DLG5: variants seen among roughly 807,000 people sequenced by gnomAD.
DLG5 encodes disks large homolog 5.
A neutral mutation model predicts 189.8 loss-of-function variants in DLG5; 48 were observed. The ratio of observed to expected loss-of-function variants is 0.25; its 90% confidence interval spans 0.20 to 0.32. DLG5 has a LOEUF of 0.32. Ranked by LOEUF, DLG5 falls within the 10% of genes least tolerant of loss-of-function variation. The pLI is 1.00. For missense variants in DLG5, 2,160 were observed against 2,544.7 expected (o/e 0.85, Z 3.25); for synonymous variants, 1,016 against 1,054.1 (o/e 0.96, Z 0.70).
At position 77,821,332 on chromosome 10, in the gene DLG5, A is replaced by G. The variant is rs1842341318; in HGVS notation, c.3152T>C (p.Leu1051Pro). Residue 1051 changes from leucine (L) to proline (P), a missense_variant, in exon 15 of 32, where the codon CTG (leucine) becomes CCG (proline). Coordinates refer to ENST00000372391, the MANE Select transcript of DLG5 (RefSeq NM_004747.4). The part of the protein sequence containing the change: ...SSPSTSPPSA[L>P]PPDVDPGEPM... ...CTCCCCGGGGTCCACGTCAGGGGGC[A>G]GGGCGCTCGGGGGACTAGTGGATGG... 6.2e-7 allele frequency: 1 copy of G among 1,613,132 alleles called. No individual in the cohort carries two copies. Among genetic ancestry groups the G allele is most frequent in the Non-Finnish European group, 8.5e-7 (1 of 1,180,004 alleles).
At chr10:77,933,869 T>C in the DLG5 span, among the ~76,000 whole-genome samples, 4 of 151,996 alleles carry the variant, frequency 2.6e-5, no homozygotes, top group Admixed American at 6.6e-5. Flanking sequence ...ACAAATGTGA[T>C]TAAAGTTCTG....
chr10:77,920,982 A>C (rs542947264), intron 1 of DLG5, among the ~76,000 whole-genome samples: 1 of 152,296 alleles, frequency 6.6e-6, no homozygotes, highest in African/African-American at 2.4e-5. Flanking sequence ...TCTGCCCTTC[A>C]CTTAAAAACC....
At chr10:77,909,375 G>A (rs1846151753) in intron 1 of DLG5, among the ~76,000 whole-genome samples, 1 of 152,150 alleles carries the variant, frequency 6.6e-6, no homozygotes, top group Admixed American at 6.5e-5. Context: ...GTCTAGGAGA[G>A]GGATAGCAAC....
intron 26 of DLG5, 40 bp downstream of exon 26, chr10:77,806,718 A>ACGGCCCCC: frequency 1.5e-6 from 2 of 1,333,650 alleles, no homozygotes; most frequent in Non-Finnish European, 2.1e-6. Context: ...GCCCTCGGCG[A>ACGGCCCCC]CCCCTGCCCC....
chr10:77,933,798 C>T, the DLG5 span, among the ~76,000 whole-genome samples: 4 of 151,980 alleles, frequency 2.6e-5, no homozygotes, highest in Non-Finnish European at 5.9e-5. Context: ...TCCCAAAAGA[C>T]AACCATGCTC....
In DLG5 at chr10:77,881,049, T is replaced by C. The variant is rs1845266746; in HGVS notation, c.305-11852A>G. ...GTGCAGTGGTGTGATCTCAGCTCAC[T>C]GCAACCTTCATCTCCCGGGTCCAAG... On this transcript the variant is annotated intron_variant, in intron 1 of 31. Transcript: ENST00000372391. Among the ~76,000 whole-genome samples, 2 of 136,380 alleles carry C rather than the reference T, an allele frequency of 1.5e-5. 1 individual carries two copies. The highest frequency in any genetic ancestry group is 5.0e-4 in the South Asian group (2 of 3,962). 89.5% of individuals were successfully genotyped at this position (136,380 alleles called of 152,430 possible).
intron 20 of DLG5, chr10:77,816,281 A>C (rs1842046022): frequency 1.5e-5 from 10 of 681,560 alleles, no homozygotes. Context: ...GGAAGGTGTA[A>C]ATGGTGCCAT....
chr10:77,815,958 C>T (rs1842029378), intron 20 of DLG5: 1 of 378,778 alleles, frequency 2.6e-6, no homozygotes, highest in Non-Finnish European at 5.2e-6. Flanking sequence ...AGCCTACAGT[C>T]AACCTGAAAC....
At chr10:77,827,579 C>T (rs1040772697) in intron 13 of DLG5, among the ~76,000 whole-genome samples, 23 of 152,170 alleles carry the variant, frequency 1.5e-4, no homozygotes, top group Non-Finnish European at 7.3e-5. Context: ...TCCTATGACT[C>T]AGCAATCTCA....
the DLG5 span, among the ~76,000 whole-genome samples, chr10:77,935,341 C>T: frequency 6.6e-6 from 1 of 152,030 alleles, no homozygotes; most frequent in South Asian, 2.1e-4. Flanking sequence ...CTCAAAAACA[C>T]CCTGTGATAG....
chr10:77,879,230 A>G (rs569762588), intron 1 of DLG5, among the ~76,000 whole-genome samples: 1 of 152,246 alleles, frequency 6.6e-6, no homozygotes, highest in East Asian at 1.9e-4. Flanking sequence ...GGAAGCGTGG[A>G]GTGCCAGAGG....
intron 1 of DLG5, among the ~76,000 whole-genome samples, chr10:77,872,842 C>T (rs1844956618): frequency 6.6e-6 from 1 of 152,028 alleles, no homozygotes; most frequent in Admixed American, 6.5e-5. Context: ...CATCTTCTGC[C>T]ATGGCCCAAT....
At chr10:77,795,941 C>T in intron 29 of DLG5, 120 bp downstream of exon 29, 2 of 1,445,478 alleles carry the variant, frequency 1.4e-6, no homozygotes, top group African/African-American at 1.4e-5. Context: ...ACTAACACAA[C>T]ACGGTGGGCT....
chr10:77,843,328 G>T (rs111505150), intron 6 of DLG5, 119 bp downstream of exon 6: 2 of 1,303,798 alleles, frequency 1.5e-6, no homozygotes, highest in Non-Finnish European at 2.1e-6. Flanking sequence ...AATGTTTCCT[G>T]GTCAGAAGCA....
intron 7 of DLG5, among the ~76,000 whole-genome samples, chr10:77,839,337 C>T (rs538140655): frequency 5.3e-5 from 8 of 152,204 alleles, no homozygotes; most frequent in African/African-American, 1.7e-4. Context: ...CCCGTCTCTA[C>T]TAAAAATACA....
intron 1 of DLG5, among the ~76,000 whole-genome samples, chr10:77,877,627 C>T (rs1289781128): frequency 1.3e-5 from 2 of 152,200 alleles, no homozygotes; most frequent in Non-Finnish European, 2.9e-5. Context: ...GGTGGGACCA[C>T]CTCTCGGTTC....
Position 77,842,025 on chromosome 10 carries a change from C to G in DLG5, c.1293G>C (p.Glu431Asp). Residue 431 changes from glutamate (E) to aspartate (D), a missense_variant, in exon 7 of 32, where the codon GAG (glutamate) becomes GAC (aspartate). Transcript: ENST00000372391. ...CACGCTCACTCATGATGAGCTTGTA[C>G]TCGCTGTACACAGCGTCCCGCTCCT... ...YREERDAVYSEYKLIMSERDQ... is the reference protein window; with the variant it reads ...YREERDAVYSDYKLIMSERDQ... 1 of 1,614,234 alleles carries G rather than the reference C, an allele frequency of 6.2e-7. No individual in the cohort carries two copies. The highest frequency in any genetic ancestry group is 8.5e-7 in the Non-Finnish European group (1 of 1,180,048).
chr10:77,803,040 C>T (rs535596285), intron 27 of DLG5, among the ~76,000 whole-genome samples: 1 of 152,268 alleles, frequency 6.6e-6, no homozygotes, highest in Non-Finnish European at 1.5e-5. Flanking sequence ...GTCAAAGGTG[C>T]ACACTGTGAG....
intron 20 of DLG5, among the ~76,000 whole-genome samples, chr10:77,814,350 A>C (rs1841929969): frequency 6.6e-6 from 1 of 151,672 alleles, no homozygotes; most frequent in South Asian, 2.1e-4. Flanking sequence ...TTTTCTCTAA[A>C]CAACAGCTGC....
Sources: gnomAD v4.1 joint callset for allele counts (sites outside exome capture counted in the v4.1 genomes callset) on GRCh38, gnomAD v4.1.1 for gene constraint, MANE v1.5 for transcripts, NCBI Gene and HGNC (gene_info 2026-07-23, HGNC 2026-07-21) for gene names.